The following ZDHHC17 variants were observed in gnomAD, a reference collection of about 807,000 sequenced individuals.
The protein encoded by ZDHHC17 is palmitoyltransferase ZDHHC17.
In ZDHHC17, 40 loss-of-function variants were observed where a neutral mutation model predicts 90.3. That is an observed-to-expected ratio of 0.44 (90% CI 0.34 to 0.58). ZDHHC17 has a LOEUF of 0.58. ZDHHC17 is among the 20% of genes least tolerant of loss of function. ZDHHC17 has a pLI of 0.01. For synonymous variants in ZDHHC17, 235 were observed against 252.4 expected, an observed-to-expected ratio of 0.93 and a Z score of 0.65; for missense variants, 614 against 780.8, an observed-to-expected ratio of 0.79 and a Z score of 2.55.
At chr12:76,827,613 T>C (rs2137785485) in intron 9 of ZDHHC17, among the ~76,000 whole-genome samples, 1 of 152,254 alleles carries the variant, frequency 6.6e-6, no homozygotes, top group Admixed American at 6.5e-5. Flanking sequence ...TAGACAGGTG[T>C]GTGATCCAGA....
chr12:76,839,832 G>T (rs537714253), intron 10 of ZDHHC17, among the ~76,000 whole-genome samples: 9 of 152,164 alleles, frequency 5.9e-5, no homozygotes, highest in Non-Finnish European at 1.2e-4. Context: ...GGTATATCTT[G>T]CTGGAAAATA....
rs548074659 is a variant in ZDHHC17, at chr12:76,815,284, G to A, written c.608+74G>A. On this transcript the variant is annotated intron_variant, in intron 6 of 16. Transcript: ENST00000426126. ...AATATGAAGTAAGAGAGAGGAAAAAGCAGTTAATACTATACTCACTAATAT... is the reference window on the plus strand; with the variant it reads ...AATATGAAGTAAGAGAGAGGAAAAAACAGTTAATACTATACTCACTAATAT... 3.5e-3 allele frequency: 3,595 copies of A among 1,023,430 alleles called. 18 individuals carry two copies. The highest frequency in any genetic ancestry group is 3.1e-3 in the Non-Finnish European group (2,146 of 699,596). The allele number at this position is 1,023,430 out of a possible 1,614,324, so 63.4% of individuals were successfully genotyped here. A position where few individuals can be genotyped will look rare whatever the true frequency, so the allele number is the denominator to read the frequency against.
chr12:76,845,749 A>G lies in ZDHHC17; in HGVS notation c.1370A>G (p.Asn457Ser), dbSNP rs778778519. ...AGGTCCAAACATTGTGGTGTGTGCA[A>G]CCGCTGTATAGCAAAATTTGATCAT... is the stretch of plus-strand genomic sequence containing the variant. ...PVRSKHCGVCNRCIAKFDHHC... is the reference protein window; with the variant it reads ...PVRSKHCGVCSRCIAKFDHHC... The change falls in exon 13 of 17, where the codon AAC (asparagine) becomes AGC (serine). Residue 457 changes from asparagine (N) to serine (S), a missense_variant. By Grantham distance (46) the Asn-to-Ser change is conservative. Transcript: ENST00000426126. The G allele has an allele frequency of 1.9e-6, 3 of 1,612,314 alleles. No homozygotes were observed. In the South Asian group the frequency reaches 3.3e-5, roughly 18 times the overall value.
chr12:76,810,006 A>T (rs1472214399), intron 5 of ZDHHC17, 149 bp downstream of exon 5: 1 of 804,422 alleles, frequency 1.2e-6, no homozygotes, highest in Admixed American at 3.2e-5. Flanking sequence ...TGATATGGAG[A>T]TATTTAATGT....
Position 76,849,391 on chromosome 12 carries a change from A to G in ZDHHC17, c.1681A>G (p.Ile561Val). Residue 561 changes from isoleucine (I) to valine (V), a missense_variant, in exon 16 of 17, where the codon ATT becomes GTT. Coordinates refer to ENST00000426126, the MANE Select transcript of ZDHHC17 (RefSeq NM_015336.4). The stretch of plus-strand genomic sequence containing the variant: ...TTCCTCTTAGATATCATGTTTAGGT[A>G]TTACTACAAATGAAAGAATGAATGC... ...CQMYQISCLG[I>V]TTNERMNARR... The G allele has an allele frequency of 2.0e-6, 3 of 1,523,166 alleles. No homozygotes were observed. Among genetic ancestry groups the G allele is most frequent in the Non-Finnish European group, 2.7e-6 (3 of 1,127,092 alleles). The allele number at this position is 1,523,166 out of a possible 1,614,324, so 94.4% of individuals were successfully genotyped here. A position where few individuals can be genotyped will look rare whatever the true frequency, so the allele number is the denominator to read the frequency against.
chr12:76,814,679 A>T (rs1356196712), intron 5 of ZDHHC17, among the ~76,000 whole-genome samples: 7 of 151,926 alleles, frequency 4.6e-5, no homozygotes, highest in Non-Finnish European at 1.0e-4. Flanking sequence ...TTTTCCACAC[A>T]AACTGCAGAA....
chr12:76,769,047 T>G, intron 1 of ZDHHC17: 1 of 421,882 alleles, frequency 2.4e-6, no homozygotes, highest in Non-Finnish European at 4.8e-6. Flanking sequence ...AATCTACTTT[T>G]TGAAGCTTTT....
intron 3 of ZDHHC17, among the ~76,000 whole-genome samples, chr12:76,806,236 A>G (rs1592477701): frequency 1.3e-5 from 2 of 152,116 alleles, no homozygotes; most frequent in African/African-American, 4.8e-5. Context: ...CTTGGAGCAC[A>G]GGCGAATACC....
chr12:76,764,361 C>G (rs1333622414), intron 1 of ZDHHC17, 32 bp downstream of exon 1: 1 of 1,544,146 alleles, frequency 6.5e-7, no homozygotes, highest in East Asian at 2.4e-5. Flanking sequence ...ATTCCTTGCC[C>G]TGCGGCCCTC....
intron 1 of ZDHHC17, among the ~76,000 whole-genome samples, chr12:76,796,626 T>C (rs1279850140): frequency 6.6e-6 from 1 of 152,194 alleles, no homozygotes; most frequent in Non-Finnish European, 1.5e-5. Context: ...ATTCATCTAA[T>C]GGTAGTTCAG....
chr12:76,781,631 T>A (rs1952628558), intron 1 of ZDHHC17: 1 of 455,988 alleles, frequency 2.2e-6, no homozygotes, highest in Admixed American at 2.3e-5. Flanking sequence ...GCAGCAAGAA[T>A]GGCCTTGCCA....
intron 2 of ZDHHC17, among the ~76,000 whole-genome samples, chr12:76,798,197 C>T (rs903067865): frequency 6.6e-5 from 10 of 152,172 alleles, no homozygotes; most frequent in Admixed American, 3.3e-4. Flanking sequence ...AGAAATAAAA[C>T]GTAGTTAATG....
chr12:76,809,911 ATGCC>A, intron 5 of ZDHHC17, 54 bp downstream of exon 5: 1 of 1,553,220 alleles, frequency 6.4e-7, no homozygotes, highest in South Asian at 1.2e-5. Flanking sequence ...CATAGTTTAA[ATGCC>A]TAATATTATT....
chr12:76,802,665 T>C (rs2137753214), intron 2 of ZDHHC17, among the ~76,000 whole-genome samples: 1 of 152,344 alleles, frequency 6.6e-6, no homozygotes, highest in East Asian at 1.9e-4. Flanking sequence ...TGCTATTGCT[T>C]TGTCTTCATG....
intron 5 of ZDHHC17, among the ~76,000 whole-genome samples, chr12:76,812,422 TTCTCTC>T (rs1241722353): frequency 6.6e-6 from 1 of 151,840 alleles, no homozygotes; most frequent in Non-Finnish European, 1.5e-5. Flanking sequence ...GTCACACAGT[TTCTCTC>T]TCTCTCTTCA....
At chr12:76,768,913 A>C (rs1952460693) in intron 1 of ZDHHC17, among the ~76,000 whole-genome samples, 1 of 148,378 alleles carries the variant, frequency 6.7e-6, no homozygotes, top group South Asian at 2.1e-4. Flanking sequence ...TTTTTTTCTC[A>C]TTTTCGTCTC....
intron 2 of ZDHHC17, among the ~76,000 whole-genome samples, chr12:76,802,706 C>G (rs188151372): frequency 1.6e-3 from 244 of 152,308 alleles, no homozygotes; most frequent in African/African-American, 5.8e-3. Context: ...TCTTTGAAGA[C>G]ATTTCTGTCT....
chr12:76,766,243 A>G (rs1453790983), intron 1 of ZDHHC17, among the ~76,000 whole-genome samples: 1 of 152,172 alleles, frequency 6.6e-6, no homozygotes, highest in Non-Finnish European at 1.5e-5. Flanking sequence ...CATAATATAT[A>G]CCGTTCCTTT....
chr12:76,764,775 G>A (rs1952412274), intron 1 of ZDHHC17: 1 of 458,514 alleles, frequency 2.2e-6, no homozygotes, highest in Admixed American at 2.3e-5. Context: ...AGTCCACTGT[G>A]AGGGGACAGT....
Sources: gnomAD v4.1 joint callset for allele counts (sites outside exome capture counted in the v4.1 genomes callset) on GRCh38, gnomAD v4.1.1 for gene constraint, MANE v1.5 for transcripts, NCBI Gene and HGNC (gene_info 2026-07-23, HGNC 2026-07-21) for gene names.